The following DYRK1A variants were observed in gnomAD, a reference collection of about 807,000 sequenced individuals.
DYRK1A encodes the protein dual specificity tyrosine-phosphorylation-regulated kinase 1A.
DYRK1A carries 9 observed loss-of-function variants against 79.7 expected under a neutral mutation model. That is an observed-to-expected ratio of 0.11 (90% CI 0.07 to 0.20). The LOEUF is 0.20. DYRK1A is among the 10% of genes least tolerant of loss of function. The pLI, the probability that DYRK1A is intolerant of heterozygous loss-of-function variation, is 1.00. For missense variants in DYRK1A, 622 were observed against 956.0 expected (o/e 0.65, Z 4.61); for synonymous variants, 349 against 329.7 (o/e 1.06, Z -0.63).
intron 6 of DYRK1A, among the ~76,000 whole-genome samples, chr21:37,489,951 T>A (rs1037634960): frequency 6.6e-6 from 1 of 152,192 alleles, no homozygotes; most frequent in Non-Finnish European, 1.5e-5. Context: ...GCTTACCTTA[T>A]ATCACTTACC....
intron 2 of DYRK1A, among the ~76,000 whole-genome samples, chr21:37,432,968 T>A (rs930601572): frequency 5.0e-5 from 7 of 141,050 alleles, no homozygotes; most frequent in Non-Finnish European, 7.6e-5. Context: ...AGAGCAAAAC[T>A]CCATCTAAAA....
At chr21:37,507,536 C>A (rs2148654687) in intron 11 of DYRK1A, among the ~76,000 whole-genome samples, 1 of 152,264 alleles carries the variant, frequency 6.6e-6, no homozygotes, top group African/African-American at 2.4e-5. Flanking sequence ...GACCTTTATT[C>A]ATGGGTCCAG....
In DYRK1A at chr21:37,463,822, A is replaced by G. The variant is rs373033215; in HGVS notation, c.11-8862A>G. On this transcript the variant is annotated intron_variant, in intron 2 of 11. Transcript: ENST00000647188. ...AGGGACCTCGTGGGTTTTTGCCCAC[A>G]TAAGCTTGGTTGCCCTCCTCATTTC... is the stretch of plus-strand genomic sequence containing the variant. Among the ~76,000 whole-genome samples the G allele has an allele frequency of 2.7e-4, 41 of 152,350 alleles. No homozygotes were observed. The East Asian group carries it at 5.2e-3, about 19-fold the overall frequency.
At chr21:37,476,565 TAAAAA>T (rs1212610393) in intron 3 of DYRK1A, among the ~76,000 whole-genome samples, 1 of 152,134 alleles carries the variant, frequency 6.6e-6, no homozygotes, top group African/African-American at 2.4e-5. Flanking sequence ...GAACTTAAAT[TAAAAA>T]AGAAAAGACA....
At chr21:37,445,729 T>C (rs2051248033) in intron 2 of DYRK1A, among the ~76,000 whole-genome samples, 1 of 152,198 alleles carries the variant, frequency 6.6e-6, no homozygotes, top group Admixed American at 6.5e-5. Context: ...AGTACAGTAG[T>C]AACAGTTTTT....
At chr21:37,474,382 T>C (rs2052327792) in intron 3 of DYRK1A, among the ~76,000 whole-genome samples, 1 of 152,222 alleles carries the variant, frequency 6.6e-6, no homozygotes, top group Non-Finnish European at 1.5e-5. Context: ...TTTTAAAGAT[T>C]TGTGTGATGT....
chr21:37,397,300 C>T (rs370961259), intron 1 of DYRK1A, among the ~76,000 whole-genome samples: 1 of 152,072 alleles, frequency 6.6e-6, no homozygotes, highest in East Asian at 1.9e-4. Flanking sequence ...ACCCTTTTTC[C>T]TCATTTTTGT....
At chr21:37,407,599 T>C (rs2050172110) in intron 1 of DYRK1A, among the ~76,000 whole-genome samples, 1 of 152,186 alleles carries the variant, frequency 6.6e-6, no homozygotes, top group African/African-American at 2.4e-5. Context: ...ACTTTCCACA[T>C]TTGATAAAGG....
chr21:37,444,915 C>T (rs1454730371), intron 2 of DYRK1A, among the ~76,000 whole-genome samples: 1 of 152,066 alleles, frequency 6.6e-6, no homozygotes, highest in Non-Finnish European at 1.5e-5. Flanking sequence ...TGGGTAGGTG[C>T]TACACCGAAC....
intron 2 of DYRK1A, among the ~76,000 whole-genome samples, chr21:37,437,760 C>G (rs1420856315): frequency 6.6e-6 from 1 of 152,124 alleles, no homozygotes; most frequent in Non-Finnish European, 1.5e-5. Flanking sequence ...CCTGTTGAAG[C>G]ACATTTGGGT....
Position 37,493,000 on chromosome 21 carries a change from T to G in DYRK1A, c.925-17T>G, listed in dbSNP as rs756282570. 2.5e-6 allele frequency: 4 copies of G among 1,574,220 alleles called. No individual in the cohort carries two copies. In the South Asian group the frequency reaches 4.5e-5, roughly 18 times the overall value. ...TTTTAAGCAATTGAAGTAATACTAT[T>G]TTGAAATATATTTCAGATATACCAG... On this transcript the variant is annotated splice_polypyrimidine_tract_variant and intron_variant, in intron 7 of 11. Coordinates refer to ENST00000647188, the MANE Select transcript of DYRK1A (RefSeq NM_001347721.2).
rs1293311020 is a variant in DYRK1A, at chr21:37,511,983, C to T, written c.1717C>T (p.His573Tyr). 2 of 1,614,176 alleles carry T rather than the reference C, an allele frequency of 1.2e-6. No homozygotes were observed. The highest frequency in any genetic ancestry group is 1.7e-6 in the Non-Finnish European group (2 of 1,180,018). The change falls in exon 12 of 12, where the codon CAT becomes TAT. Residue 573 changes from histidine (H) to tyrosine (Y), a missense_variant. Transcript: ENST00000647188. Reference protein sequence around the residue: ...EAPTQVTVETHPVQETTFHVA... With the variant: ...EAPTQVTVETYPVQETTFHVA... ...TCCTACACAGGTCACTGTTGAAACT[C>T]ATCCTGTTCAAGAAACAACCTTTCA... is the stretch of plus-strand genomic sequence containing the variant.
Position 37,463,321 on chromosome 21 carries a change from T to C in DYRK1A, c.11-9363T>C, listed in dbSNP as rs548291538. 4.6e-5 allele frequency among the ~76,000 whole-genome samples: 7 copies of C among 152,272 alleles called. No homozygotes were observed. In the South Asian group the frequency reaches 1.5e-3, roughly 32 times the overall value. On this transcript the variant is annotated intron_variant, in intron 2 of 11. Transcript: ENST00000647188. ...TGGCTCACTGTTACTAAATAGTCCT[T>C]ATCATTAGACTTTTTGCATAGTCAC...
intron 2 of DYRK1A, among the ~76,000 whole-genome samples, chr21:37,450,389 T>C (rs1271839612): frequency 6.6e-6 from 1 of 152,218 alleles, no homozygotes; most frequent in Non-Finnish European, 1.5e-5. Context: ...GATGGGAGGC[T>C]GTGTTCCAAT....
At chr21:37,392,755 A>G (rs1213224000) in intron 1 of DYRK1A, among the ~76,000 whole-genome samples, 1 of 152,232 alleles carries the variant, frequency 6.6e-6, no homozygotes, top group Non-Finnish European at 1.5e-5. Flanking sequence ...CTGTAACAAA[A>G]CACAGGTTAG....
At chr21:37,492,570 A>G (rs1368233100) in intron 7 of DYRK1A, among the ~76,000 whole-genome samples, 2 of 151,888 alleles carry the variant, frequency 1.3e-5, no homozygotes, top group Admixed American at 1.3e-4. Context: ...AAATTATATT[A>G]TATTGAAGTT....
At chr21:37,418,269 CAGCAG>C (rs2050396599) in intron 1 of DYRK1A, among the ~76,000 whole-genome samples, 2 of 152,114 alleles carry the variant, frequency 1.3e-5, no homozygotes. Flanking sequence ...CTGTATAAGT[CAGCAG>C]AAAATTATGT....
intron 1 of DYRK1A, among the ~76,000 whole-genome samples, chr21:37,403,949 A>G (rs555251894): frequency 6.6e-6 from 1 of 152,098 alleles, no homozygotes; most frequent in South Asian, 2.1e-4. Context: ...CCTGTCTAAT[A>G]TGGTGGACCA....
At chr21:37,455,592 C>T (rs960908443) in intron 2 of DYRK1A, among the ~76,000 whole-genome samples, 1 of 152,166 alleles carries the variant, frequency 6.6e-6, no homozygotes, top group African/African-American at 2.4e-5. Flanking sequence ...GAAGTCCTGT[C>T]AGTCTGCTCT....
Sources: allele counts gnomAD v4.1 joint callset (sites outside exome capture counted in the v4.1 genomes callset), GRCh38; gene constraint gnomAD v4.1.1; transcripts MANE v1.5; gene names NCBI Gene and HGNC (gene_info 2026-07-23, HGNC 2026-07-21).